The following ETV1 variants were observed in gnomAD, a reference collection of about 807,000 sequenced individuals.
ETV1 encodes ETS variant transcription factor 1.
ETV1 carries 27 observed loss-of-function variants against 62.3 expected under a neutral mutation model. The observed-to-expected ratio is 0.43, with a 90% CI of 0.32 to 0.60. The LOEUF (loss-of-function observed/expected upper bound fraction) is 0.60. ETV1 is among the 20% of genes least tolerant of loss of function. The pLI, the probability that ETV1 is intolerant of heterozygous loss-of-function variation, is 0.06. For synonymous variants in ETV1, 222 were observed against 199.6 expected (o/e 1.11, Z -0.94); for missense variants, 605 against 605.8 (o/e 1.00, Z 0.01).
At chr7:13,961,524 G>C (rs1344210819) in intron 6 of ETV1, among the ~76,000 whole-genome samples, 3 of 152,118 alleles carry the variant, frequency 2.0e-5, no homozygotes, top group African/African-American at 7.2e-5. Flanking sequence ...TTTTTCTTCA[G>C]GCTGAGCGAA....
chr7:13,969,669 C>A (rs1032246338), intron 6 of ETV1, among the ~76,000 whole-genome samples: 21 of 152,134 alleles, frequency 1.4e-4, no homozygotes, highest in Admixed American at 1.3e-3. Context: ...ACAAGCTTCC[C>A]AAATGATTTT....
chr7:13,925,972 C>G (rs1008788487), intron 9 of ETV1, among the ~76,000 whole-genome samples: 4 of 151,992 alleles, frequency 2.6e-5, no homozygotes, highest in Admixed American at 2.0e-4. Flanking sequence ...TATAATATCA[C>G]CACCTATATA....
intron 5 of ETV1, chr7:13,985,543 C>A (rs1271999847): frequency 1.3e-5 from 2 of 152,420 alleles, no homozygotes; most frequent in African/African-American, 4.8e-5. Context: ...ACACGTCAGT[C>A]TGCCTCAAAG....
At chr7:13,936,766 C>G (rs117357646) in intron 7 of ETV1, among the ~76,000 whole-genome samples, 4 of 152,112 alleles carry the variant, frequency 2.6e-5, no homozygotes, top group African/African-American at 9.7e-5. Context: ...TTTTGCTGGG[C>G]GCAGTGGCTC....
At chr7:13,916,686 T>G (rs770976101) in intron 9 of ETV1, among the ~76,000 whole-genome samples, 2 of 152,108 alleles carry the variant, frequency 1.3e-5, no homozygotes, top group Non-Finnish European at 2.9e-5. Context: ...CTTGGCACTT[T>G]GGGAGGCCGA....
chr7:13,988,575 A>G (rs1583920603), intron 3 of ETV1: 3 of 721,984 alleles, frequency 4.2e-6, no homozygotes, highest in Non-Finnish European at 5.3e-6. Flanking sequence ...AAAAAAAAAA[A>G]GCAAAAAGAG....
rs1781632366 is a variant in ETV1, at chr7:13,894,889, C to A, written c.*977G>T. ...CCTATTTAGTGTATTGGATATTTTT[C>A]TTAAAGAGTGTTTGCTGTAACTAGA... On this transcript the variant is annotated 3_prime_UTR_variant, in exon 14 of 14. Coordinates refer to ENST00000430479, the MANE Select transcript of ETV1 (RefSeq NM_004956.5). The A allele has an allele frequency of 4.3e-6, 1 of 232,614 alleles. No individual in the cohort carries two copies. Among genetic ancestry groups the A allele is most frequent in the African/African-American group, 2.2e-5 (1 of 45,278 alleles). 14.4% of individuals were successfully genotyped at this position (232,614 alleles called of 1,614,324 possible).
At position 13,918,824 on chromosome 7, in the gene ETV1, T is replaced by C. The variant is rs888598023; in HGVS notation, c.803-7517A>G. Among the ~76,000 whole-genome samples, 11 of 148,408 alleles carry C rather than the reference T, an allele frequency of 7.4e-5. 1 individual carries two copies. Among genetic ancestry groups the C allele is most frequent in the Admixed American group, 5.4e-4 (8 of 14,804 alleles). On this transcript the variant is annotated intron_variant, in intron 9 of 13. Transcript: ENST00000430479. Reference sequence around the variant, plus strand: ...CACCAGCATGGCACATGTATACATATGTAACTAACCTGCACAATGTGCACA... The same window carrying C: ...CACCAGCATGGCACATGTATACATACGTAACTAACCTGCACAATGTGCACA...
At chr7:13,915,464 T>A (rs1045086078) in intron 9 of ETV1, among the ~76,000 whole-genome samples, 1 of 152,230 alleles carries the variant, frequency 6.6e-6, no homozygotes, top group African/African-American at 2.4e-5. Context: ...AAGATGAGCA[T>A]AGTGACAGAT....
At chr7:13,902,813 G>T (rs1782573682) in intron 12 of ETV1, among the ~76,000 whole-genome samples, 1 of 152,124 alleles carries the variant, frequency 6.6e-6, no homozygotes, top group South Asian at 2.1e-4. Flanking sequence ...TCTCTGGAGA[G>T]AGAAATATGA....
At chr7:13,949,811 T>C (rs1163391280) in intron 6 of ETV1, among the ~76,000 whole-genome samples, 2 of 152,220 alleles carry the variant, frequency 1.3e-5, no homozygotes, top group African/African-American at 2.4e-5. Flanking sequence ...TTCCATTATT[T>C]GCAGCATCTG....
chr7:13,988,129 C>G lies in ETV1; in HGVS notation c.90G>C (p.Arg30Ser). ...GATCTCTGTTAATGAATTTTCTTTT[C>G]CTGACATTTGTTGGTTTCTCGTTAC... ...RNCNEKPTNVRKRKFINRDLA... is the reference protein window; with the variant it reads ...RNCNEKPTNVSKRKFINRDLA... The change falls in exon 4 of 14, where the codon AGG becomes AGC. Residue 30 changes from arginine (R) to serine (S), a missense_variant. Arg to Ser is a moderately radical substitution (Grantham distance 110). This residue lies in a region of ETV1 where 426 missense variants were observed against 377.8 expected (regional missense o/e 1.13). Coordinates refer to ENST00000430479, the MANE Select transcript of ETV1 (RefSeq NM_004956.5). The G allele has an allele frequency of 6.2e-7, 1 of 1,613,140 alleles. No homozygotes were observed. The highest frequency in any genetic ancestry group is 8.5e-7 in the Non-Finnish European group (1 of 1,179,230).
chr7:13,989,127 G>T lies in ETV1; in HGVS notation c.-75C>A. On this transcript the variant is annotated 5_prime_UTR_variant, in exon 3 of 14. Coordinates refer to ENST00000430479, the MANE Select transcript of ETV1 (RefSeq NM_004956.5). The stretch of plus-strand genomic sequence containing the variant: ...TAGCTGGAGATTTCCTCAGGATCTG[G>T]ACTTCTATCAACCTAGAGGGGAACA... 1 of 1,305,610 alleles carries T rather than the reference G, an allele frequency of 7.7e-7. No homozygotes were observed. The highest frequency in any genetic ancestry group is 1.1e-6 in the Non-Finnish European group (1 of 923,946). The allele number at this position is 1,305,610 out of a possible 1,614,324, so 80.9% of individuals were successfully genotyped here.
intron 6 of ETV1, among the ~76,000 whole-genome samples, chr7:13,972,044 G>A (rs1780956679): frequency 1.3e-5 from 2 of 151,898 alleles, no homozygotes; most frequent in Admixed American, 1.3e-4. Flanking sequence ...CGGGAGGCAG[G>A]AGTTGCAGTG....
chr7:13,987,412 G>C (rs1427324813), intron 4 of ETV1, among the ~76,000 whole-genome samples: 1 of 152,064 alleles, frequency 6.6e-6, no homozygotes, highest in East Asian at 1.9e-4. Flanking sequence ...TTAAATCTAA[G>C]TATATTAAGT....
intron 9 of ETV1, among the ~76,000 whole-genome samples, chr7:13,916,280 T>G (rs1367685446): frequency 6.6e-6 from 1 of 152,112 alleles, no homozygotes; most frequent in Non-Finnish European, 1.5e-5. Context: ...GGGGGAGAAA[T>G]ATGTTAATTT....
intron 9 of ETV1, among the ~76,000 whole-genome samples, chr7:13,931,200 T>C (rs1012478710): frequency 1.3e-5 from 2 of 151,976 alleles, no homozygotes; most frequent in African/African-American, 2.4e-5. Flanking sequence ...GAAAAAAAAG[T>C]ACAGAATTAA....
chr7:13,966,218 G>A (rs1483689191), intron 6 of ETV1, among the ~76,000 whole-genome samples: 3 of 152,112 alleles, frequency 2.0e-5, no homozygotes, highest in Non-Finnish European at 4.4e-5. Context: ...ATTCTTGTCA[G>A]TCCCCTATAA....
chr7:13,925,607 C>T (rs1364647536), intron 9 of ETV1, among the ~76,000 whole-genome samples: 1 of 151,734 alleles, frequency 6.6e-6, no homozygotes, highest in Non-Finnish European at 1.5e-5. Context: ...GCTCTGCTGC[C>T]CAGGCTGGAG....
Sources: gnomAD v4.1 joint callset for allele counts (sites outside exome capture counted in the v4.1 genomes callset) on GRCh38, gnomAD v4.1.1 for gene constraint, gnomAD v4.1.1 regional missense constraint, MANE v1.5 for transcripts, NCBI Gene and HGNC (gene_info 2026-07-23, HGNC 2026-07-21) for gene names.